Variants in NDUFAF1 observed in about 807,000 individuals in gnomAD.
NDUFAF1 encodes the protein complex I intermediate-associated protein 30, mitochondrial.
Under a neutral mutation model 28.7 loss-of-function variants are expected in NDUFAF1, and 18 were observed. The ratio of observed to expected loss-of-function variants is 0.63; its 90% CI spans 0.43 to 0.93. NDUFAF1 has a LOEUF of 0.93. Ranked by LOEUF, NDUFAF1 falls within the 40% of genes least tolerant of loss-of-function variation. The pLI, the probability that NDUFAF1 is intolerant of heterozygous loss-of-function variation, is 0.00. For synonymous variants in NDUFAF1, 113 were observed against 139.7 expected (o/e 0.81, Z 1.35); for missense variants, 404 against 398.3 (o/e 1.01, Z -0.12).
chr15:41,396,917 TTGC>T lies in NDUFAF1; in HGVS notation c.140_142del (p.Gly47_Lys48delinsGlu). On this transcript the variant is annotated inframe_deletion, in exon 2 of 5. Coordinates refer to ENST00000260361, the MANE Select transcript of NDUFAF1 (RefSeq NM_016013.4). ...TTCAGTCTTCCTCTGTGAGGAGGCT[TTGC>T]CAGGAGAAGCCACTGGTTTCTGAAG... The T allele has an allele frequency of 6.2e-7, 1 of 1,613,968 alleles. No homozygotes were observed. The highest frequency in any genetic ancestry group is 8.5e-7 in the Non-Finnish European group (1 of 1,179,978).
chr15:41,391,448 A>G (rs2050314703), intron 3 of NDUFAF1, among the ~76,000 whole-genome samples: 1 of 151,788 alleles, frequency 6.6e-6, no homozygotes, highest in East Asian at 1.9e-4. Flanking sequence ...TGGTGAATGA[A>G]ACCCCATCTC....
chr15:41,396,953 G>C lies in NDUFAF1; in HGVS notation c.107C>G (p.Ser36Cys), dbSNP rs1311226624. 5 of 1,613,158 alleles carry C rather than the reference G, an allele frequency of 3.1e-6. No homozygotes were observed. The highest frequency in any genetic ancestry group is 4.2e-6 in the Non-Finnish European group (5 of 1,179,648). Residue 36 changes from serine to cysteine, a missense_variant, in exon 2 of 5, where the codon TCC (serine) becomes TGC (cysteine). Physicochemically the swap from Ser to Cys is moderately radical, Grantham distance 112. Transcript: ENST00000260361. ...AGCCACTGGTTTCTGAAGACTACTG[G>C]AATACTCTGCAAAGCGAATACCCAA... ...PFLGIRFAEY[S>C]SSLQKPVASP...
At chr15:41,388,095 G>C (rs1269509024) in intron 4 of NDUFAF1, among the ~76,000 whole-genome samples, 1 of 152,110 alleles carries the variant, frequency 6.6e-6, no homozygotes, top group Non-Finnish European at 1.5e-5. Context: ...GAGTGACAAA[G>C]CAAGACTCCA....
chr15:41,401,838 G>A (rs2050467590), intron 1 of NDUFAF1, among the ~76,000 whole-genome samples: 1 of 152,118 alleles, frequency 6.6e-6, no homozygotes, highest in Non-Finnish European at 1.5e-5. Flanking sequence ...CTGAGGTCCC[G>A]GAATTATGGA....
intron 1 of NDUFAF1, among the ~76,000 whole-genome samples, chr15:41,399,534 G>A (rs2050433531): frequency 6.6e-6 from 1 of 150,864 alleles, no homozygotes; most frequent in Non-Finnish European, 1.5e-5. Context: ...TCCAGCCTGG[G>A]CAACAAAAGT....
At chr15:41,394,406 A>T in intron 3 of NDUFAF1, 1 of 1,287,386 alleles carries the variant, frequency 7.8e-7, no homozygotes, top group Non-Finnish European at 1.0e-6. Context: ...AACAAACCCC[A>T]TCTATTTGGA....
In NDUFAF1 at chr15:41,394,860, T is replaced by G. The variant is rs387906957; in HGVS notation, c.758A>C (p.Lys253Thr). ...TRGGPYWQEV[K>T]IPFSKFFFSN... ...AACAATGAAGATTTATGCTGTTACC[T>G]TGACCTCCTGCCAGTAGGGTCCCCC... Residue 253 changes from lysine to threonine, a missense_variant and splice_region_variant, in exon 3 of 5, where the codon AAG becomes ACG. By Grantham distance (78) the Lys-to-Thr change is moderately conservative (BLOSUM62 -1). Coordinates refer to ENST00000260361, the MANE Select transcript of NDUFAF1 (RefSeq NM_016013.4). 1.9e-6 allele frequency: 3 copies of G among 1,613,888 alleles called. No homozygotes were observed. Among genetic ancestry groups the G allele is most frequent in the Non-Finnish European group, 2.5e-6 (3 of 1,179,964 alleles).
At chr15:41,401,970 C>T (rs895957555) in intron 1 of NDUFAF1, among the ~76,000 whole-genome samples, 174 bp downstream of exon 1, 1 of 150,998 alleles carries the variant, frequency 6.6e-6, no homozygotes, top group Non-Finnish European at 1.5e-5. Flanking sequence ...TGTTACTTCT[C>T]TAATAATATA....
At chr15:41,394,741 C>A in intron 3 of NDUFAF1, 118 bp downstream of exon 3, 1 of 932,844 alleles carries the variant, frequency 1.1e-6, no homozygotes. Context: ...TGGTCTCGAA[C>A]TCCTGACCTC....
At chr15:41,398,617 T>C (rs970303236) in intron 1 of NDUFAF1, among the ~76,000 whole-genome samples, 1 of 152,020 alleles carries the variant, frequency 6.6e-6, no homozygotes, top group African/African-American at 2.4e-5. Context: ...GCCTCCAAGG[T>C]AGCTGAGACT....
chr15:41,401,366 GT>G (rs1265877562), intron 1 of NDUFAF1, among the ~76,000 whole-genome samples: 2 of 150,066 alleles, frequency 1.3e-5, no homozygotes, highest in African/African-American at 4.9e-5. Flanking sequence ...CGCCTCCCGG[GT>G]TCAAGTGCTT....
chr15:41,393,589 C>CTTTTTTTTTT (rs551792777), intron 3 of NDUFAF1, among the ~76,000 whole-genome samples: 5 of 135,502 alleles, frequency 3.7e-5, no homozygotes, highest in African/African-American at 8.7e-5. Flanking sequence ...CGCGGCCGGC[C>CTTTTTTTTTT]TTTTTTTTTT....
rs962220992 is a variant in NDUFAF1 at position 41,396,840 on chromosome 15, A to G, written c.220T>C (p.Ser74Pro). The G allele has an allele frequency of 3.1e-6, 5 of 1,614,006 alleles. No homozygotes were observed. Among genetic ancestry groups the G allele is most frequent in the Admixed American group, 1.7e-5 (1 of 59,976 alleles). The change falls in exon 2 of 5, where the codon TCT becomes CCT. Residue 74 changes from serine to proline, a missense_variant. Coordinates refer to ENST00000260361, the MANE Select transcript of NDUFAF1 (RefSeq NM_016013.4). ...QKEVALDITS[S>P]EEKPDVSFDK... The stretch of plus-strand genomic sequence containing the variant: ...AAACTAACATCAGGCTTCTCCTCAG[A>G]AGAAGTTATATCCAAAGCAACTTCT...
At chr15:41,399,616 A>T (rs1351969816) in intron 1 of NDUFAF1, among the ~76,000 whole-genome samples, 1 of 151,620 alleles carries the variant, frequency 6.6e-6, no homozygotes, top group Non-Finnish European at 1.5e-5. Context: ...GCACTTTGGG[A>T]GGCGGAGGCG....
At chr15:41,394,114 C>T (rs1206628091) in intron 3 of NDUFAF1, 20 of 377,424 alleles carry the variant, frequency 5.3e-5, no homozygotes, top group African/African-American at 3.7e-4. Flanking sequence ...CCGAAACCTC[C>T]GCCTCCTGGG....
rs184636705 is a variant in NDUFAF1, at chr15:41,390,849, G to A, written c.760-2327C>T. On this transcript the variant is annotated intron_variant, in intron 3 of 4. Coordinates refer to ENST00000260361, the MANE Select transcript of NDUFAF1 (RefSeq NM_016013.4). Reference sequence around the variant, plus strand: ...AGTTCAAGACCATCCTGGCTAACACGGTGAAACCCTGTCTCTACTAAAAAT... The same window carrying A: ...AGTTCAAGACCATCCTGGCTAACACAGTGAAACCCTGTCTCTACTAAAAAT... Among the ~76,000 whole-genome samples the A allele has an allele frequency of 1.6e-3, 246 of 152,070 alleles. 2 individuals carry two copies. Among genetic ancestry groups the A allele is most frequent in the African/African-American group, 5.6e-3 (231 of 41,496 alleles).
At chr15:41,395,600 G>A (rs1170123167) in intron 2 of NDUFAF1, among the ~76,000 whole-genome samples, 8 of 149,778 alleles carry the variant, frequency 5.3e-5, no homozygotes, top group Non-Finnish European at 5.9e-5. Context: ...TCGATCTCCT[G>A]ACCTGGTGAT....
At chr15:41,387,698 A>C (rs993773844) in intron 4 of NDUFAF1, 105 bp from the exon 5 acceptor site, 8 of 922,010 alleles carry the variant, frequency 8.7e-6, no homozygotes, top group Non-Finnish European at 1.4e-5. Flanking sequence ...CTGGGTTTTA[A>C]TGCTATCAGC....
intron 3 of NDUFAF1, among the ~76,000 whole-genome samples, chr15:41,393,084 G>A (rs1182534392): frequency 6.6e-6 from 1 of 150,768 alleles, no homozygotes; most frequent in African/African-American, 2.4e-5. Context: ...TGACCCTCAA[G>A]TATATGACAT....
Sources: gnomAD v4.1 joint callset for allele counts (sites outside exome capture counted in the v4.1 genomes callset) on GRCh38, gnomAD v4.1.1 for gene constraint, MANE v1.5 for transcripts, NCBI Gene and HGNC (gene_info 2026-07-23, HGNC 2026-07-21) for gene names.